The following CRB2 variants were observed in gnomAD, a reference collection of about 807,000 sequenced individuals.
CRB2 encodes the protein crumbs cell polarity complex component 2.
CRB2 carries 85 observed loss-of-function variants against 110.9 expected under a neutral mutation model. The ratio of observed to expected loss-of-function variants is 0.77; its 90% CI spans 0.64 to 0.92. The LOEUF (loss-of-function observed/expected upper bound fraction) is 0.92. CRB2 is among the 40% of genes least tolerant of loss of function. The pLI, the probability that CRB2 is intolerant of heterozygous loss-of-function variation, is 0.00. For synonymous variants in CRB2, 907 were observed against 831.0 expected (o/e 1.09, Z -1.57); for missense variants, 1,843 against 1,851.3 (o/e 1.00, Z 0.08).
Position 123,373,149 on chromosome 9 carries a change from C to T in CRB2, c.2618C>T (p.Thr873Met), listed in dbSNP as rs989117272. ...CTCTCCGCAGGTGTGGCGGAGGCCACGTTCCGCGAGGGTCCCCCCGCCGCG... is the reference window on the plus strand; with the variant it reads ...CTCTCCGCAGGTGTGGCGGAGGCCATGTTCCGCGAGGGTCCCCCCGCCGCG... ...PDGFVCVAEA[T>M]FREGPPAAFS... Residue 873 changes from threonine to methionine, a missense_variant, in exon 10 of 13, where the codon ACG (threonine) becomes ATG (methionine). By Grantham distance (81) the Thr-to-Met change is moderately conservative. Coordinates refer to ENST00000373631, the MANE Select transcript of CRB2 (RefSeq NM_173689.7). 4.0e-6 allele frequency: 6 copies of T among 1,507,496 alleles called. No individual in the cohort carries two copies. The highest frequency in any genetic ancestry group is 2.1e-5 in the Admixed American group (1 of 47,984). 93.4% of individuals were successfully genotyped at this position (1,507,496 alleles called of 1,614,324 possible).
chr9:123,362,495 C>T (rs1315391077), intron 1 of CRB2, among the ~76,000 whole-genome samples: 1 of 152,196 alleles, frequency 6.6e-6, no homozygotes, highest in African/African-American at 2.4e-5. Flanking sequence ...ACTTTCTTTC[C>T]TGGGCCTCCT....
chr9:123,371,153 A>C lies in CRB2; in HGVS notation c.2011A>C (p.Thr671Pro). The C allele has an allele frequency of 6.2e-7, 1 of 1,613,626 alleles. No individual in the cohort carries two copies. The highest frequency in any genetic ancestry group is 1.1e-5 in the South Asian group (1 of 91,068). ...CCAAGAGCTGCCAGGTCCCAACCTC[A>C]CAGTGTCTTTCCTTCTCCGCACTCG... Reference protein sequence around the residue: ...LLQELPGPNLTVSFLLRTRES... With the variant: ...LLQELPGPNLPVSFLLRTRES... Residue 671 changes from threonine (T) to proline (P), a missense_variant, in exon 8 of 13, where the codon ACA (threonine) becomes CCA (proline). Thr to Pro is a conservative substitution (Grantham distance 38, BLOSUM62 -1). Coordinates refer to ENST00000373631, the MANE Select transcript of CRB2 (RefSeq NM_173689.7).
rs73571416 is a variant in CRB2, at chr9:123,365,901, C to A, written c.419-16C>A. Reference sequence around the variant, plus strand: ...GGTGTCCATCCTGCACCCTGTGTGTCCCCTGCCCTGTCCAGGCGTGACCTG... The same window carrying A: ...GGTGTCCATCCTGCACCCTGTGTGTACCCTGCCCTGTCCAGGCGTGACCTG... On this transcript the variant is annotated splice_polypyrimidine_tract_variant and intron_variant, in intron 2 of 12. Transcript: ENST00000373631. 6,237 of 1,584,806 alleles carry A rather than the reference C, an allele frequency of 3.9e-3. 194 individuals are homozygous for A. The African/African-American group carries it at 0.073, about 19-fold the overall frequency.
At position 123,363,169 on chromosome 9, in the gene CRB2, T is replaced by C. The variant is rs2041889198; in HGVS notation, c.399T>C (p.His133=). 2 of 1,607,248 alleles carry C rather than the reference T, an allele frequency of 1.2e-6. No individual in the cohort carries two copies. Among genetic ancestry groups the C allele is most frequent in the Non-Finnish European group, 1.7e-6 (2 of 1,177,118 alleles). Reference sequence around the variant, plus strand: ...ACCTGGCCGATCGCTACGAGTGCCATTGCCCCCTTGGCTATGCAGGTAACA... The same window carrying C: ...ACCTGGCCGATCGCTACGAGTGCCACTGCCCCCTTGGCTATGCAGGTAACA... ...CRNLADRYEC[H]CPLGYAGVTC... Residue 133 remains histidine (H), a synonymous_variant, in exon 2 of 13, where the codon CAT becomes CAC. Transcript: ENST00000373631.
downstream of CRB2, among the ~76,000 whole-genome samples, chr9:123,379,157 A>G (rs1453145180): frequency 6.6e-6 from 1 of 151,516 alleles, no homozygotes; most frequent in African/African-American, 2.4e-5. Flanking sequence ...AAGTGGGGGC[A>G]TGGTCAGATG....
In CRB2 at chr9:123,377,213, G is replaced by A. The variant is rs889714093; in HGVS notation, c.*151G>A. On this transcript the variant is annotated 3_prime_UTR_variant, in exon 13 of 13. Coordinates refer to ENST00000373631, the MANE Select transcript of CRB2 (RefSeq NM_173689.7). Reference sequence around the variant, plus strand: ...CTCTGCCTCTGCCCCATCCTGGATGGAGGACGAGGGGAGCAACTCAGGGAA... The same window carrying A: ...CTCTGCCTCTGCCCCATCCTGGATGAAGGACGAGGGGAGCAACTCAGGGAA... 1.1e-5 allele frequency: 8 copies of A among 716,634 alleles called. No homozygotes were observed. Among genetic ancestry groups the A allele is most frequent in the Non-Finnish European group, 1.8e-5 (8 of 446,334 alleles). 44.4% of individuals were successfully genotyped at this position (716,634 alleles called of 1,614,324 possible). A position where few individuals can be genotyped will look rare whatever the true frequency, so the allele number is the denominator to read the frequency against.
Position 123,373,394 on chromosome 9 carries a change from G to A in CRB2, c.2863G>A (p.Ala955Thr). 2 of 1,442,358 alleles carry A rather than the reference G, an allele frequency of 1.4e-6. No homozygotes were observed. The highest frequency in any genetic ancestry group is 3.1e-5 in the East Asian group (1 of 32,302). The allele number at this position is 1,442,358 out of a possible 1,614,324, so 89.3% of individuals were successfully genotyped here. Residue 955 changes from alanine (A) to threonine (T), a missense_variant, in exon 10 of 13, where the codon GCC (alanine) becomes ACC (threonine). Physicochemically the swap from Ala to Thr is moderately conservative, Grantham distance 58. Coordinates refer to ENST00000373631, the MANE Select transcript of CRB2 (RefSeq NM_173689.7). ...PIPGPRVADGAWHRVRLAMER... is the reference protein window; with the variant it reads ...PIPGPRVADGTWHRVRLAMER... ...ACCGGGGCCGCGCGTGGCCGATGGTGCCTGGCACCGCGTGCGTCTGGCCAT... is the reference window on the plus strand; with the variant it reads ...ACCGGGGCCGCGCGTGGCCGATGGTACCTGGCACCGCGTGCGTCTGGCCAT...
At chr9:123,368,975 G>C (rs973245115) in intron 6 of CRB2, 2 of 1,198,224 alleles carry the variant, frequency 1.7e-6, no homozygotes, top group Non-Finnish European at 2.1e-6. Flanking sequence ...CCTGGGCAGG[G>C]GGAGGTTGGT....
chr9:123,374,492 A>C (rs548187120), intron 10 of CRB2, 87 bp from the exon 11 acceptor site: 1 of 901,668 alleles, frequency 1.1e-6, no homozygotes, highest in South Asian at 1.5e-5. Flanking sequence ...ACATGAGAAC[A>C]CAAGCTCAGG....
chr9:123,364,077 T>TA (rs535698401), intron 2 of CRB2, among the ~76,000 whole-genome samples: 43 of 152,224 alleles, frequency 2.8e-4, no homozygotes, highest in Middle Eastern at 3.4e-3. Flanking sequence ...GGGGCTGGGT[T>TA]CCAGGGCAGG....
intron 8 of CRB2, 92 bp from the exon 9 acceptor site, chr9:123,372,083 AGT>A: frequency 8.2e-7 from 1 of 1,218,942 alleles, no homozygotes; most frequent in South Asian, 1.3e-5. Flanking sequence ...CTGTGTCTGT[AGT>A]AGGTGCTCAG....
rs1472040327 is a variant in CRB2 at position 123,370,863 on chromosome 9, G to A, written c.1810G>A (p.Glu604Lys). Residue 604 changes from glutamate (E) to lysine (K), a missense_variant, in exon 7 of 13, where the codon GAG (glutamate) becomes AAG (lysine). Coordinates refer to ENST00000373631, the MANE Select transcript of CRB2 (RefSeq NM_173689.7). ...CGGTGAGAACGTCCTCCTGGGCTGT[G>A]AGCGCCGAGAGCAGTGCCGGCCTCT... ...DLGENVLLGC[E>K]RREQCRPLPC... 5 of 1,610,034 alleles carry A rather than the reference G, an allele frequency of 3.1e-6. No homozygotes were observed. Among genetic ancestry groups the A allele is most frequent in the Non-Finnish European group, 4.2e-6 (5 of 1,180,012 alleles).
chr9:123,359,429 CG>C (rs2041835182), intron 1 of CRB2, among the ~76,000 whole-genome samples: 15 of 106,252 alleles, frequency 1.4e-4, no homozygotes, highest in East Asian at 2.6e-4. Flanking sequence ...TGTGGTTTTT[CG>C]TTTTTGTTTT....
Position 123,366,077 on chromosome 9 carries a change from C to A in CRB2, c.579C>A (p.Cys193Ter). 1.3e-6 allele frequency: 2 copies of A among 1,554,294 alleles called. No individual in the cohort carries two copies. The part of the protein sequence containing the change: ...LDLDECQSQP[C>*]AHGGTCHDLV... ...TCGACGAGTGCCAGAGCCAGCCGTG[C>A]GCACATGGGGGCACGTGCCACGACC... Residue 193 changes from cysteine to a stop codon, truncating the protein, a stop_gained, in exon 3 of 13, where the codon TGC (cysteine) becomes TGA (stop). Transcript: ENST00000373631. LOFTEE classifies it high-confidence loss of function.
intron 1 of CRB2, among the ~76,000 whole-genome samples, chr9:123,362,558 A>C (rs1401217646): frequency 6.6e-6 from 1 of 152,192 alleles, no homozygotes; most frequent in African/African-American, 2.4e-5. Flanking sequence ...GGGGGACTGC[A>C]GGGACAAGAC....
rs61740213 is a variant in CRB2, at chr9:123,372,263, G to A, written c.2523G>A (p.Thr841=). The A allele has an allele frequency of 0.51, 822,326 of 1,613,704 alleles. 219,815 individuals are homozygous for A. The highest frequency in any genetic ancestry group is 0.56 in the Non-Finnish European group (659,258 of 1,179,856). ...CTCPANFTGP[T]CAQQLWCPGQ... Reference sequence around the variant, plus strand: ...GCCCTGCCAATTTCACGGGGCCTACGTGTGCCCAGCAGCTGTGGTGTCCCG... The same window carrying A: ...GCCCTGCCAATTTCACGGGGCCTACATGTGCCCAGCAGCTGTGGTGTCCCG... The change falls in exon 9 of 13, where the codon ACG becomes ACA. Residue 841 remains threonine, a synonymous_variant. Coordinates refer to ENST00000373631, the MANE Select transcript of CRB2 (RefSeq NM_173689.7).
chr9:123,379,918 T>A (rs2042192587), downstream of CRB2: 1 of 150,760 alleles, frequency 6.6e-6, no homozygotes, highest in Admixed American at 6.6e-5. Context: ...GCCCAGGAGG[T>A]GCCCCCATGG....
At chr9:123,374,753 TC>T in intron 11 of CRB2, 58 bp downstream of exon 11, 1 of 1,291,752 alleles carries the variant, frequency 7.7e-7, no homozygotes. Flanking sequence ...GGGCTGTTCC[TC>T]CAGCCAGGGT....
chr9:123,374,634 C>G lies in CRB2; in HGVS notation c.3445C>G (p.Pro1149Ala), dbSNP rs2042075589. 6.2e-7 allele frequency: 1 copy of G among 1,613,164 alleles called. No individual in the cohort carries two copies. The highest frequency in any genetic ancestry group is 1.3e-5 in the African/African-American group (1 of 74,896). Residue 1149 changes from proline (P) to alanine (A), a missense_variant, in exon 11 of 13, where the codon CCA (proline) becomes GCA (alanine). Pro to Ala is a conservative substitution (Grantham distance 27). Transcript: ENST00000373631. The stretch of plus-strand genomic sequence containing the variant: ...GAATGTCACCTGCCTCGATGGCAGC[C>G]CATGTGAGGGTGGCTCTCCCGCTGC... Reference protein sequence around the residue: ...SLNVTCLDGSPCEGGSPAANC... With the variant: ...SLNVTCLDGSACEGGSPAANC...
Sources: allele counts gnomAD v4.1 joint callset (sites outside exome capture counted in the v4.1 genomes callset), GRCh38; gene constraint gnomAD v4.1.1; transcripts MANE v1.5; gene names NCBI Gene and HGNC (gene_info 2026-07-23, HGNC 2026-07-21).